The following KNOP1 variants were observed in gnomAD, a reference collection of about 807,000 sequenced individuals.
KNOP1 encodes lysine-rich nucleolar protein 1.
KNOP1 carries 20 observed loss-of-function variants against 30.6 expected under a neutral mutation model. The ratio of observed to expected loss-of-function variants is 0.65; its 90% CI spans 0.46 to 0.95. KNOP1 has a LOEUF of 0.95. Ranked by LOEUF, KNOP1 falls within the 40% of genes least tolerant of loss-of-function variation. The pLI is 0.00. For missense variants in KNOP1, 540 were observed against 562.0 expected (o/e 0.96, Z 0.40); for synonymous variants, 204 against 210.0 (o/e 0.97, Z 0.25).
At chr16:19,707,257 A>G in intron 4 of KNOP1, 36 bp from the exon 5 acceptor site, 1 of 1,576,286 alleles carries the variant, frequency 6.3e-7, no homozygotes, top group South Asian at 1.1e-5. Context: ...ATTTTCCTTG[A>G]GTTCAAAGCC....
intron 1 of KNOP1, chr16:19,715,372 G>A (rs918300125): frequency 4.6e-5 from 10 of 218,482 alleles, no homozygotes; most frequent in African/African-American, 2.3e-4. Context: ...ATAACCCATG[G>A]AAAGGGCTTG....
rs775092270 is a variant in KNOP1, at chr16:19,714,145, A to G, written c.891T>C (p.Ser297=). Residue 297 remains serine (S), a synonymous_variant, in exon 2 of 5, where the codon AGT becomes AGC. Transcript: ENST00000219837. ...CCTTCCAAGGGTCTCCTGCTACCCC[A>G]CTCTCTTTCCTCTTCTTCTTTTTCT... The part of the protein sequence containing the change: ...KRKKKKKRKE[S]GVAGDPWKEE... 10 of 1,603,680 alleles carry G rather than the reference A, an allele frequency of 6.2e-6. No homozygotes were observed. The highest frequency in any genetic ancestry group is 8.5e-6 in the Non-Finnish European group (10 of 1,175,470).
intron 2 of KNOP1, among the ~76,000 whole-genome samples, chr16:19,713,838 G>C (rs1018908810): frequency 6.6e-6 from 1 of 152,120 alleles, no homozygotes; most frequent in Non-Finnish European, 1.5e-5. Flanking sequence ...ACGGCAGACA[G>C]GGAAAACTTG....
intron 1 of KNOP1, chr16:19,715,391 T>A (rs1976982427): frequency 5.3e-6 from 1 of 187,158 alleles, no homozygotes; most frequent in Non-Finnish European, 1.1e-5. Flanking sequence ...TGGTACACTG[T>A]TAATTCCCTT....
intron 2 of KNOP1, chr16:19,711,747 G>A (rs1478087265): frequency 5.0e-6 from 2 of 400,482 alleles, no homozygotes; most frequent in Non-Finnish European, 9.3e-6. Flanking sequence ...CACATCTCCT[G>A]ACCCAGGGCT....
chr16:19,711,241 TG>T, intron 3 of KNOP1, 130 bp downstream of exon 3: 1 of 839,008 alleles, frequency 1.2e-6, no homozygotes, highest in Non-Finnish European at 2.0e-6. Context: ...CGTTGGCAGC[TG>T]GCCCAGTGGC....
At position 19,717,782 on chromosome 16, in the gene KNOP1, G is replaced by GC. The variant is rs551826662; in HGVS notation, c.-3+375dup. The GC allele has an allele frequency of 2.0e-3, 2,034 of 997,284 alleles. 32 individuals carry two copies. In the African/African-American group the frequency reaches 0.033, roughly 16 times the overall value. The allele number at this position is 997,284 out of a possible 1,614,324, so 61.8% of individuals were successfully genotyped here. A position where few individuals can be genotyped will look rare whatever the true frequency, so the allele number is the denominator to read the frequency against. Reference sequence around the variant, plus strand: ...TCACTTGCCCTAGGTTCCAAAGCCAGCAAGTGGAAAACGGAGACTGGAATT... The same window carrying GC: ...TCACTTGCCCTAGGTTCCAAAGCCAGCCAAGTGGAAAACGGAGACTGGAATT... On this transcript the variant is annotated intron_variant, in intron 1 of 4. Transcript: ENST00000219837.
rs1976261678 is a variant in KNOP1, at chr16:19,703,990, C to T, written c.*2920G>A. On this transcript the variant is annotated 3_prime_UTR_variant, in exon 5 of 5. Coordinates refer to ENST00000219837, the MANE Select transcript of KNOP1 (RefSeq NM_001012991.3). ...TACACCAGGGGCAAGGCCTGACCAT[C>T]ACACCCTCATGAGAGCTACCAGTCA... 6.6e-6 allele frequency: 1 copy of T among 152,322 alleles called. No individual in the cohort carries two copies. Among genetic ancestry groups the T allele is most frequent in the African/African-American group, 2.4e-5 (1 of 41,450 alleles). The allele number at this position is 152,322 out of a possible 1,614,324, so 9.4% of individuals were successfully genotyped here. A position where few individuals can be genotyped will look rare whatever the true frequency, so the allele number is the denominator to read the frequency against.
chr16:19,717,547 C>T (rs1977228416), intron 1 of KNOP1: 1 of 985,346 alleles, frequency 1.0e-6, no homozygotes, highest in African/African-American at 1.7e-5. Context: ...CTTCTCTCCC[C>T]ATCTCTTGCC....
At chr16:19,717,086 G>A (rs1327530709) in intron 1 of KNOP1, among the ~76,000 whole-genome samples, 1 of 151,586 alleles carries the variant, frequency 6.6e-6, no homozygotes, top group Non-Finnish European at 1.5e-5. Flanking sequence ...CAGGTGATCC[G>A]CCCGCCTCAT....
intron 4 of KNOP1, 52 bp from the exon 5 acceptor site, chr16:19,707,273 C>G: frequency 6.7e-7 from 1 of 1,498,674 alleles, no homozygotes; most frequent in Non-Finnish European, 9.2e-7. Flanking sequence ...AAGCCCTTTC[C>G]TTCCCTTGAC....
chr16:19,706,457 GATTA>G lies in KNOP1; in HGVS notation c.*449_*452del, dbSNP rs1192704134. On this transcript the variant is annotated 3_prime_UTR_variant, in exon 5 of 5. Transcript: ENST00000219837. ...ATAGCACCCATTTCATAATTATGAA[GATTA>G]AATACATTAAGGAAAACACTAGTAT... 6.3e-6 allele frequency: 1 copy of G among 158,076 alleles called. No individual in the cohort carries two copies. Among genetic ancestry groups the G allele is most frequent in the Non-Finnish European group, 1.4e-5 (1 of 72,198 alleles). The allele number at this position is 158,076 out of a possible 1,614,324, so 9.8% of individuals were successfully genotyped here. A position where few individuals can be genotyped will look rare whatever the true frequency, so the allele number is the denominator to read the frequency against.
In KNOP1 at chr16:19,703,022, A is replaced by G. The variant is rs1976225606; in HGVS notation, c.*3888T>C. 1 of 144,922 alleles carries G rather than the reference A, an allele frequency of 6.9e-6. No homozygotes were observed. The highest frequency in any genetic ancestry group is 2.8e-5 in the African/African-American group (1 of 35,306). The allele number at this position is 144,922 out of a possible 1,614,324, so 9.0% of individuals were successfully genotyped here. The stretch of plus-strand genomic sequence containing the variant: ...CAAAAAAAAAAAAAGAAAGAAAAAC[A>G]AAACCATGGCAACTTCCACATGAGA... On this transcript the variant is annotated 3_prime_UTR_variant, in exon 5 of 5. Coordinates refer to ENST00000219837, the MANE Select transcript of KNOP1 (RefSeq NM_001012991.3).
In KNOP1 at chr16:19,715,004, C is replaced by G; in HGVS notation, c.32G>C (p.Gly11Ala). The G allele has an allele frequency of 6.3e-7, 1 of 1,582,506 alleles. No individual in the cohort carries two copies. Among genetic ancestry groups the G allele is most frequent in the South Asian group, 1.2e-5 (1 of 84,094 alleles). ...CTTCTTCTTTTTCTTCTCTGGGAGC[C>G]CAAGGTCTACTTTGTGTGTCTTGGT... MITKTHKVDL[G>A]LPEKKKKKKV... The change falls in exon 2 of 5, where the codon GGG (glycine) becomes GCG (alanine). Residue 11 changes from glycine to alanine, a missense_variant. Transcript: ENST00000219837.
intron 1 of KNOP1, among the ~76,000 whole-genome samples, chr16:19,715,613 G>T (rs941506248): frequency 2.0e-5 from 3 of 151,706 alleles, no homozygotes; most frequent in African/African-American, 4.8e-5. Context: ...GAGGGACGGG[G>T]TTTCTCCATG....
Position 19,714,154 on chromosome 16 carries a change from CCTCTT to C in KNOP1, c.877_881del (p.Lys293GlufsTer30). On this transcript the variant is annotated frameshift_variant, in exon 2 of 5. Coordinates refer to ENST00000219837, the MANE Select transcript of KNOP1 (RefSeq NM_001012991.3). LOFTEE classifies it high-confidence loss of function. ...GGTCTCCTGCTACCCCACTCTCTTT[CCTCTT>C]CTTCTTTTTCTTCCTTTTCAGAGCT... is the stretch of plus-strand genomic sequence containing the variant. 5 of 1,612,892 alleles carry C rather than the reference CCTCTT, an allele frequency of 3.1e-6. No individual in the cohort carries two copies. The highest frequency in any genetic ancestry group is 4.2e-6 in the Non-Finnish European group (5 of 1,179,808).
intron 2 of KNOP1, among the ~76,000 whole-genome samples, chr16:19,712,566 G>C (rs1432296491): frequency 1.3e-5 from 2 of 152,322 alleles, no homozygotes; most frequent in East Asian, 3.9e-4. Context: ...CTTGCCAGCT[G>C]TGTGGCCTTA....
intron 2 of KNOP1, among the ~76,000 whole-genome samples, chr16:19,713,446 G>A (rs1035736182): frequency 6.6e-6 from 1 of 152,160 alleles, no homozygotes; most frequent in Non-Finnish European, 1.5e-5. Flanking sequence ...TGAGGCCTGC[G>A]ATAGTGGCCC....
In KNOP1 at chr16:19,707,022, CG is replaced by C; in HGVS notation, c.1264del (p.Arg422GlyfsTer3). On this transcript the variant is annotated frameshift_variant, in exon 5 of 5. Coordinates refer to ENST00000219837, the MANE Select transcript of KNOP1 (RefSeq NM_001012991.3). LOFTEE classifies it high-confidence loss of function. ...LQQNLQRDYD[R>X]AMSWKYSRGA... ...CCGGCTGTACTTCCAGCTCATGGCC[CG>C]GTCGTAGTCCCGCTGCAGATTCTGC... The C allele has an allele frequency of 1.2e-6, 2 of 1,614,116 alleles. No homozygotes were observed. The highest frequency in any genetic ancestry group is 1.7e-6 in the Non-Finnish European group (2 of 1,180,020).
Sources: allele counts gnomAD v4.1 joint callset (sites outside exome capture counted in the v4.1 genomes callset), GRCh38; gene constraint gnomAD v4.1.1; transcripts MANE v1.5; gene names NCBI Gene and HGNC (gene_info 2026-07-23, HGNC 2026-07-21).